Variants in SLCO1B3 observed in about 807,000 individuals in gnomAD.
The protein encoded by SLCO1B3 is solute carrier organic anion transporter family member 1B3.
Under a neutral mutation model 71.8 loss-of-function variants are expected in SLCO1B3, and 72 were observed. The observed-to-expected ratio is 1.00, with a 90% CI of 0.83 to 1.22. SLCO1B3 has a LOEUF of 1.22. Ranked by LOEUF, SLCO1B3 falls within the 50% of genes most tolerant of loss-of-function variation. The pLI is 0.00. For missense variants in SLCO1B3, 911 were observed against 819.7 expected (o/e 1.11, Z -1.36); for synonymous variants, 298 against 278.4 (o/e 1.07, Z -0.70).
chr12:20,902,358 A>T (rs1374303793), intron 15 of SLCO1B3: 6 of 152,710 alleles, frequency 3.9e-5, no homozygotes, highest in African/African-American at 1.4e-4. Context: ...AAAAATAGCC[A>T]TTCTGACTTG....
intron 4 of SLCO1B3, among the ~76,000 whole-genome samples, chr12:20,855,432 CA>C (rs1865114368): frequency 6.6e-6 from 1 of 151,794 alleles, no homozygotes; most frequent in Non-Finnish European, 1.5e-5. Context: ...TTATCCTTCC[CA>C]AAATGTCTAT....
At chr12:20,818,690 G>T (rs1442021571) in intron 3 of SLCO1B3, among the ~76,000 whole-genome samples, 4 of 152,224 alleles carry the variant, frequency 2.6e-5, no homozygotes, top group Non-Finnish European at 5.9e-5. Flanking sequence ...CTAAGAGGCG[G>T]GCTAGTGGCT....
At chr12:20,827,521 C>G (rs900389272) in intron 3 of SLCO1B3, among the ~76,000 whole-genome samples, 1 of 152,012 alleles carries the variant, frequency 6.6e-6, no homozygotes, top group South Asian at 2.1e-4. Flanking sequence ...CTTAAAGATT[C>G]ATATTTTAGA....
At chr12:20,860,290 C>A (rs1362044367) in intron 5 of SLCO1B3, among the ~76,000 whole-genome samples, 1 of 152,096 alleles carries the variant, frequency 6.6e-6, no homozygotes, top group African/African-American at 2.4e-5. Flanking sequence ...TGTGACAACC[C>A]AGGACCTTGT....
At chr12:20,843,677 A>G (rs1487182422) in intron 3 of SLCO1B3, among the ~76,000 whole-genome samples, 1 of 151,932 alleles carries the variant, frequency 6.6e-6, no homozygotes, top group East Asian at 1.9e-4. Flanking sequence ...GCTACTCAGG[A>G]GGCTGAGGCA....
At chr12:20,895,430 G>C (rs993296496) in intron 13 of SLCO1B3, among the ~76,000 whole-genome samples, 1 of 152,116 alleles carries the variant, frequency 6.6e-6, no homozygotes, top group Non-Finnish European at 1.5e-5. Flanking sequence ...GGGAGAAATA[G>C]GCCAAAACAA....
At chr12:20,881,127 T>G in intron 12 of SLCO1B3, 107 bp downstream of exon 12, 1 of 806,942 alleles carries the variant, frequency 1.2e-6, no homozygotes, top group Non-Finnish European at 1.9e-6. Context: ...AATAAAAAGA[T>G]AAAACAAAAA....
chr12:20,898,354 T>C, intron 13 of SLCO1B3, 82 bp from the exon 14 acceptor site: 1 of 844,316 alleles, frequency 1.2e-6, no homozygotes, highest in Non-Finnish European at 2.0e-6. Flanking sequence ...GGGAGAGGAA[T>C]GATGCTGATA....
At chr12:20,904,755 C>CTTTTTTTTTTT (rs775996155) in intron 15 of SLCO1B3, among the ~76,000 whole-genome samples, 4 of 56,074 alleles carry the variant, frequency 7.1e-5, no homozygotes, top group African/African-American at 3.6e-4. Flanking sequence ...GACATCCAGG[C>CTTTTTTTTTTT]TTTTTTTTTT....
chr12:20,834,065 A>AAT (rs35004400), intron 3 of SLCO1B3, among the ~76,000 whole-genome samples: 65,597 of 144,596 alleles, frequency 0.45, 16,837 homozygotes, highest in South Asian at 0.64. Context: ...CATATATAAA[A>AAT]ATATAAATAT....
At chr12:20,815,959 CA>C in intron 3 of SLCO1B3, 137 bp downstream of exon 3, 3 of 487,846 alleles carry the variant, frequency 6.1e-6, no homozygotes, top group Non-Finnish European at 1.1e-5. Flanking sequence ...AAAATATTAA[CA>C]AAATAATCCC....
At chr12:20,837,681 A>G (rs185178549) in intron 3 of SLCO1B3, among the ~76,000 whole-genome samples, 78 of 152,220 alleles carry the variant, frequency 5.1e-4, no homozygotes, top group Non-Finnish European at 8.2e-4. Flanking sequence ...AACAAATGCT[A>G]TCACTTCTTT....
intron 15 of SLCO1B3, among the ~76,000 whole-genome samples, chr12:20,913,928 T>A (rs1012462785): frequency 7.2e-5 from 11 of 152,100 alleles, no homozygotes; most frequent in African/African-American, 2.2e-4. Flanking sequence ...ATTTTTTGAT[T>A]TTTTGTTTGT....
chr12:20,823,792 G>C (rs1200753579), intron 3 of SLCO1B3, among the ~76,000 whole-genome samples: 3 of 152,130 alleles, frequency 2.0e-5, no homozygotes, highest in Admixed American at 1.3e-4. Flanking sequence ...AGAAAGCTTG[G>C]AGTTCCTGGA....
intron 13 of SLCO1B3, among the ~76,000 whole-genome samples, chr12:20,890,312 T>C (rs1245085128): frequency 6.6e-6 from 1 of 152,180 alleles, no homozygotes; most frequent in East Asian, 1.9e-4. Context: ...ATTTGTGTAG[T>C]ATTGAGAATT....
At chr12:20,899,330 C>A (rs1866081257) in intron 14 of SLCO1B3, among the ~76,000 whole-genome samples, 1 of 152,024 alleles carries the variant, frequency 6.6e-6, no homozygotes, top group Non-Finnish European at 1.5e-5. Context: ...AGGAAAAGGG[C>A]ATCATTCATC....
intron 15 of SLCO1B3, among the ~76,000 whole-genome samples, chr12:20,913,220 A>C (rs928114459): frequency 1.3e-5 from 2 of 152,166 alleles, no homozygotes; most frequent in Non-Finnish European, 2.9e-5. Context: ...ATTTACATTA[A>C]GTATCCACTT....
intron 3 of SLCO1B3, among the ~76,000 whole-genome samples, chr12:20,818,887 G>A (rs1864239322): frequency 6.6e-6 from 1 of 152,206 alleles, no homozygotes; most frequent in African/African-American, 2.4e-5. Context: ...AATAATGTGG[G>A]AGGCTGGATT....
chr12:20,842,122 C>A (rs1362332145), intron 3 of SLCO1B3, among the ~76,000 whole-genome samples: 1 of 152,112 alleles, frequency 6.6e-6, no homozygotes, highest in East Asian at 1.9e-4. Context: ...TCTTGAACTC[C>A]TGACCTCGTG....
Sources: gnomAD v4.1 joint callset for allele counts (sites outside exome capture counted in the v4.1 genomes callset) on GRCh38, gnomAD v4.1.1 for gene constraint, MANE v1.5 for transcripts, NCBI Gene and HGNC (gene_info 2026-07-23, HGNC 2026-07-21) for gene names.